The following METTL26 variants were observed in gnomAD, a reference collection of about 807,000 sequenced individuals.
The protein encoded by METTL26 is methyltransferase like 26.
In METTL26, 28 loss-of-function variants were observed where a neutral mutation model predicts 24.7. The ratio of observed to expected loss-of-function variants is 1.13; its 90% CI spans 0.84 to 1.55. The LOEUF is 1.55. Among genes scored for constraint, METTL26 ranks in the 40% most tolerant of loss-of-function variants. The pLI is 0.00. For missense variants in METTL26, 344 were observed against 281.2 expected (o/e 1.22, Z -1.60); for synonymous variants, 165 against 125.2 (o/e 1.32, Z -2.12).
chr16:634,827 C>T (rs1044746645), intron 4 of METTL26, 30 bp from the exon 5 acceptor site: 2 of 1,593,108 alleles, frequency 1.3e-6, no homozygotes, highest in Non-Finnish European at 1.7e-6. Flanking sequence ...GGAGTCATGG[C>T]CTGGGGGGTG....
At chr16:635,132 C>A (rs976000953) in intron 3 of METTL26, 149 bp downstream of exon 3, 2 of 1,484,576 alleles carry the variant, frequency 1.3e-6, no homozygotes, top group African/African-American at 2.8e-5. Context: ...GGCAGATGAC[C>A]CAGGGAGGGG....
chr16:635,662 G>T lies in METTL26; in HGVS notation c.310C>A (p.Leu104Met). The change falls in exon 2 of 6, where the codon CTG becomes ATG. Residue 104 changes from leucine (L) to methionine (M), a missense_variant. By Grantham distance (15) the Leu-to-Met change is conservative (BLOSUM62 2). Transcript: ENST00000301686. ...TGGGCCATGTTGATGCAGAGCAACA[G>T]GTCCAGCGACTGTGGCAGGATCCCG... Reference protein sequence around the residue: ...WGGILPQSLDLLLCINMAHVS... With the variant: ...WGGILPQSLDMLLCINMAHVS... 6.4e-7 allele frequency: 1 copy of T among 1,553,052 alleles called. No homozygotes were observed. The highest frequency in any genetic ancestry group is 8.7e-7 in the Non-Finnish European group (1 of 1,148,598).
At chr16:635,936 G>A in intron 1 of METTL26, 158 bp downstream of exon 1, 3 of 1,333,400 alleles carry the variant, frequency 2.2e-6, no homozygotes, top group Non-Finnish European at 3.0e-6. Flanking sequence ...GCAGCCGCGG[G>A]GGCCGCACAG....
chr16:634,530 G>T lies in METTL26; in HGVS notation c.*67C>A. 6.2e-7 allele frequency: 1 copy of T among 1,612,652 alleles called. No homozygotes were observed. Among genetic ancestry groups the T allele is most frequent in the Non-Finnish European group, 8.5e-7 (1 of 1,179,704 alleles). ...CTGTCGTCCACAAGGTCCGGCCTAG[G>T]GAGGCAGGGTTCGTGCCTCACAGAG... is the stretch of plus-strand genomic sequence containing the variant. On this transcript the variant is annotated 3_prime_UTR_variant, in exon 6 of 6. Coordinates refer to ENST00000301686, the MANE Select transcript of METTL26 (RefSeq NM_032366.5).
chr16:635,116 G>A lies in METTL26; in HGVS notation c.421-160C>T, dbSNP rs1045104898. 5 of 1,493,148 alleles carry A rather than the reference G, an allele frequency of 3.3e-6. No homozygotes were observed. The African/African-American group carries it at 5.6e-5, about 17-fold the overall frequency. 92.5% of individuals were successfully genotyped at this position (1,493,148 alleles called of 1,614,324 possible). On this transcript the variant is annotated intron_variant, in intron 3 of 5. Coordinates refer to ENST00000301686, the MANE Select transcript of METTL26 (RefSeq NM_032366.5). The stretch of plus-strand genomic sequence containing the variant: ...CCAGCCTGGTGGGCAAGGGGGTAGG[G>A]AGGCTGGCAGATGACCCAGGGAGGG...
Position 635,738 on chromosome 16 carries a change from G to C in METTL26, c.234C>G (p.Asn78Lys). The C allele has an allele frequency of 2.5e-6, 4 of 1,579,668 alleles. No homozygotes were observed. The South Asian group carries it at 4.6e-5, about 18-fold the overall frequency. ...CGTCCAGGTGTAGCGGGGCCTTCAC[G>C]TTGGTCAGGCCCTGGGCTTGCGTGG... The part of the protein sequence containing the change: ...AATTQAQGLT[N>K]VKAPLHLDVT... Residue 78 changes from asparagine (N) to lysine (K), a missense_variant, in exon 2 of 6, where the codon AAC (asparagine) becomes AAG (lysine). Transcript: ENST00000301686.
At position 634,917 on chromosome 16, in the gene METTL26, C is replaced by T. The variant is rs373232512; in HGVS notation, c.460G>A (p.Val154Met). ...CATCTGAGCATCAGGTCAAAGTCCA[C>T]GTTGCTCTGGGGGGAGATCTTCCCA... ...INGKISPQSNVDFDLMLRCRN... is the reference protein window; with the variant it reads ...INGKISPQSNMDFDLMLRCRN... Residue 154 changes from valine (V) to methionine (M), a missense_variant, in exon 4 of 6, where the codon GTG becomes ATG. By Grantham distance (21) the Val-to-Met change is conservative. Coordinates refer to ENST00000301686, the MANE Select transcript of METTL26 (RefSeq NM_032366.5). 6.2e-5 allele frequency: 99 copies of T among 1,605,916 alleles called. No homozygotes were observed. Among genetic ancestry groups the T allele is most frequent in the African/African-American group, 1.2e-4 (9 of 74,798 alleles).
chr16:636,178 G>T lies in METTL26; in HGVS notation c.113C>A (p.Ser38Tyr). 1 of 1,486,120 alleles carries T rather than the reference G, an allele frequency of 6.7e-7. No individual in the cohort carries two copies. 92.1% of individuals were successfully genotyped at this position (1,486,120 alleles called of 1,614,324 possible). A position where few individuals can be genotyped will look rare whatever the true frequency, so the allele number is the denominator to read the frequency against. Residue 38 changes from serine to tyrosine, a missense_variant, in exon 1 of 6, where the codon TCC becomes TAC. Coordinates refer to ENST00000301686, the MANE Select transcript of METTL26 (RefSeq NM_032366.5). ...GVRVLEVASGSGQHAAHFARA... is the reference protein window; with the variant it reads ...GVRVLEVASGYGQHAAHFARA... ...CGCGAAGTGCGCTGCGTGCTGGCCGGAGCCCGAGGCCACCTCGAGGACGCG... is the reference window on the plus strand; with the variant it reads ...CGCGAAGTGCGCTGCGTGCTGGCCGTAGCCCGAGGCCACCTCGAGGACGCG...
At chr16:635,815 C>T in intron 1 of METTL26, 41 bp from the exon 2 acceptor site, 2 of 1,507,236 alleles carry the variant, frequency 1.3e-6, no homozygotes, top group Non-Finnish European at 8.9e-7. Flanking sequence ...GAGTCCTGTG[C>T]ACCCGCCTTT....
Position 634,583 on chromosome 16 carries a change from G to A in METTL26, c.*14C>T, listed in dbSNP as rs1434000324. On this transcript the variant is annotated 3_prime_UTR_variant, in exon 6 of 6. Coordinates refer to ENST00000301686, the MANE Select transcript of METTL26 (RefSeq NM_032366.5). Reference sequence around the variant, plus strand: ...TCCGGCAGGGATGCAGGTGTGCGGGGGTGAAGGAGGGGCTTAGTTTTTCCG... The same window carrying A: ...TCCGGCAGGGATGCAGGTGTGCGGGAGTGAAGGAGGGGCTTAGTTTTTCCG... The A allele has an allele frequency of 1.2e-6, 2 of 1,613,138 alleles. No homozygotes were observed. The highest frequency in any genetic ancestry group is 2.2e-5 in the East Asian group (1 of 44,900).
rs2037157972 is a variant in METTL26 at position 636,083 on chromosome 16, GGGGGCC to G, written c.197+5_197+10del. 7.1e-7 allele frequency: 1 copy of G among 1,405,400 alleles called. No homozygotes were observed. Among genetic ancestry groups the G allele is most frequent in the African/African-American group, 1.5e-5 (1 of 66,258 alleles). The allele number at this position is 1,405,400 out of a possible 1,614,324, so 87.1% of individuals were successfully genotyped here. A position where few individuals can be genotyped will look rare whatever the true frequency, so the allele number is the denominator to read the frequency against. ...CCGCACCGATAGAAGTGGCCGCCCC[GGGGGCC>G]GCACCTGTCCAGGCAGCGCTGGTCC... On this transcript the variant is annotated splice_donor_5th_base_variant and intron_variant, in intron 1 of 5. Coordinates refer to ENST00000301686, the MANE Select transcript of METTL26 (RefSeq NM_032366.5).
rs2037166966 is a variant in METTL26 at position 636,206 on chromosome 16, C to T, written c.85G>A (p.Val29Ile). ...CCCGAGGCCACCTCGAGGACGCGGA[C>T]GCCACGCTGGGCCGGATCCAGGTAC... is the stretch of plus-strand genomic sequence containing the variant. ...RQYLDPAQRGVRVLEVASGSG... is the reference protein window; with the variant it reads ...RQYLDPAQRGIRVLEVASGSG... Residue 29 changes from valine (V) to isoleucine (I), a missense_variant, in exon 1 of 6, where the codon GTC (valine) becomes ATC (isoleucine). Physicochemically the swap from Val to Ile is conservative, Grantham distance 29 (BLOSUM62 3). Coordinates refer to ENST00000301686, the MANE Select transcript of METTL26 (RefSeq NM_032366.5). 2 of 1,489,284 alleles carry T rather than the reference C, an allele frequency of 1.3e-6. No individual in the cohort carries two copies. Among genetic ancestry groups the T allele is most frequent in the Admixed American group, 2.4e-5 (1 of 41,814 alleles). 92.3% of individuals were successfully genotyped at this position (1,489,284 alleles called of 1,614,324 possible). A position where few individuals can be genotyped will look rare whatever the true frequency, so the allele number is the denominator to read the frequency against.
Position 634,534 on chromosome 16 carries a change from G to T in METTL26, c.*63C>A, listed in dbSNP as rs762747403. The T allele has an allele frequency of 6.2e-7, 1 of 1,612,826 alleles. No individual in the cohort carries two copies. Among genetic ancestry groups the T allele is most frequent in the South Asian group, 1.1e-5 (1 of 91,084 alleles). ...CGTCCACAAGGTCCGGCCTAGGGAG[G>T]CAGGGTTCGTGCCTCACAGAGCCTC... On this transcript the variant is annotated 3_prime_UTR_variant, in exon 6 of 6. Coordinates refer to ENST00000301686, the MANE Select transcript of METTL26 (RefSeq NM_032366.5).
At position 634,812 on chromosome 16, in the gene METTL26, G is replaced by A. The variant is rs751469923; in HGVS notation, c.489-15C>T. ...ATTCTGGGTTCCTGCAGAGGGTGGG[G>A]AGATGGAGTCATGGCCTGGGGGGTG... On this transcript the variant is annotated splice_polypyrimidine_tract_variant and intron_variant, in intron 4 of 5. Transcript: ENST00000301686. The A allele has an allele frequency of 1.9e-6, 3 of 1,604,118 alleles. No individual in the cohort carries two copies. The South Asian group carries it at 3.3e-5, about 18-fold the overall frequency.
At chr16:635,228 A>G in intron 3 of METTL26, 53 bp downstream of exon 3, 2 of 1,528,004 alleles carry the variant, frequency 1.3e-6, no homozygotes, top group Non-Finnish European at 1.8e-6. Context: ...GCAGGGCAGG[A>G]GACAGCAGCT....
chr16:636,213 C>G lies in METTL26; in HGVS notation c.78G>C (p.Gln26His). 1.3e-6 allele frequency: 2 copies of G among 1,490,542 alleles called. No homozygotes were observed. The allele number at this position is 1,490,542 out of a possible 1,614,324, so 92.3% of individuals were successfully genotyped here. A position where few individuals can be genotyped will look rare whatever the true frequency, so the allele number is the denominator to read the frequency against. ...CCACCTCGAGGACGCGGACGCCACG[C>G]TGGGCCGGATCCAGGTACTGCCGCA... is the stretch of plus-strand genomic sequence containing the variant. ...HVLRQYLDPAQRGVRVLEVAS... is the reference protein window; with the variant it reads ...HVLRQYLDPAHRGVRVLEVAS... The change falls in exon 1 of 6, where the codon CAG becomes CAC. Residue 26 changes from glutamine (Q) to histidine (H), a missense_variant. Gln to His is a conservative substitution (Grantham distance 24, BLOSUM62 0). Coordinates refer to ENST00000301686, the MANE Select transcript of METTL26 (RefSeq NM_032366.5).
chr16:635,140 G>T, intron 3 of METTL26, 141 bp downstream of exon 3: 2 of 1,483,064 alleles, frequency 1.3e-6, no homozygotes, highest in Non-Finnish European at 1.8e-6. Context: ...ACCCAGGGAG[G>T]GGTACAGACT....
At position 635,284 on chromosome 16, in the gene METTL26, G is replaced by A. The variant is rs368787257; in HGVS notation, c.417C>T (p.Tyr139=). The change falls in exon 3 of 6, where the codon TAC becomes TAT. Residue 139 remains tyrosine (Y), a synonymous_variant. Transcript: ENST00000301686. ...CGCCGTGGACAGGCCCACTCACCCC[G>A]TAGGTGATGAGCAGGGCCCTGGGTT... is the stretch of plus-strand genomic sequence containing the variant. ...LLKPRALLIT[Y]GPYAINGKIS... The A allele has an allele frequency of 3.5e-5, 55 of 1,589,306 alleles. No homozygotes were observed. The East Asian group carries it at 3.9e-4, about 11-fold the overall frequency.
At chr16:634,674 C>G (rs2037034135) in intron 5 of METTL26, 30 bp from the exon 6 acceptor site, 1 of 1,613,048 alleles carries the variant, frequency 6.2e-7, no homozygotes, top group East Asian at 2.2e-5. Context: ...GAGGACGGCC[C>G]TCAACCCCTA....
Sources: allele counts gnomAD v4.1 joint callset, GRCh38; gene constraint gnomAD v4.1.1; transcripts MANE v1.5; gene names NCBI Gene and HGNC (gene_info 2026-07-23, HGNC 2026-07-21).